EPHA6: variants seen among roughly 807,000 people sequenced by gnomAD.
EPHA6 encodes the protein EPH receptor A6.
A neutral mutation model predicts 112.0 loss-of-function variants in EPHA6; 50 were observed. The ratio of observed to expected loss-of-function variants is 0.45; its 90% CI spans 0.36 to 0.56. The LOEUF is 0.56. Among genes scored for constraint, EPHA6 ranks in the 20% least tolerant of loss-of-function variants. The probability of loss-of-function intolerance (pLI) is 0.00; values close to 1 mark genes in which losing one functional copy is unlikely to be tolerated. For missense variants in EPHA6, 1,280 were observed against 1,417.4 expected (o/e 0.90, Z 1.56); for synonymous variants, 529 against 490.7 (o/e 1.08, Z -1.03).
intron 5 of EPHA6, among the ~76,000 whole-genome samples, chr3:97,324,415 TTC>T (rs1491579010): frequency 1.3e-4 from 17 of 134,048 alleles, no homozygotes; most frequent in Non-Finnish European, 2.3e-4. Context: ...TTTTCTTTCT[TTC>T]TTTCTTTCTT....
At chr3:97,596,517 T>C (rs1038448685) in intron 12 of EPHA6, among the ~76,000 whole-genome samples, 7 of 151,952 alleles carry the variant, frequency 4.6e-5, no homozygotes, top group African/African-American at 1.7e-4. Flanking sequence ...GAATTCACTT[T>C]CTCTGTCACT....
At chr3:97,204,291 T>C (rs2077657378) in intron 3 of EPHA6, among the ~76,000 whole-genome samples, 2 of 152,216 alleles carry the variant, frequency 1.3e-5, no homozygotes, top group South Asian at 4.1e-4. Context: ...AGATAAATCA[T>C]ATATAAATGA....
At chr3:97,441,208 T>C (rs1167188322) in intron 6 of EPHA6, among the ~76,000 whole-genome samples, 1 of 151,982 alleles carries the variant, frequency 6.6e-6, no homozygotes, top group African/African-American at 2.4e-5. Context: ...AATTTTAGCC[T>C]GAAATATTAC....
At chr3:97,578,767 C>T (rs1368573348) in intron 11 of EPHA6, among the ~76,000 whole-genome samples, 2 of 152,104 alleles carry the variant, frequency 1.3e-5, no homozygotes, top group Non-Finnish European at 2.9e-5. Context: ...ACTAGATATG[C>T]ATCATAAATT....
chr3:97,700,024 TG>T (rs1421823157), intron 14 of EPHA6, among the ~76,000 whole-genome samples: 1 of 152,130 alleles, frequency 6.6e-6, no homozygotes, highest in African/African-American at 2.4e-5. Flanking sequence ...GGAGGGAAAA[TG>T]GAAGTTTAGC....
At chr3:96,828,364 AG>A (rs2033802339) in intron 1 of EPHA6, among the ~76,000 whole-genome samples, 1 of 152,124 alleles carries the variant, frequency 6.6e-6, no homozygotes, top group Admixed American at 6.6e-5. Context: ...CAAAGAGCAA[AG>A]GAATGAAAGA....
chr3:96,843,924 T>C (rs2034911973), intron 1 of EPHA6, among the ~76,000 whole-genome samples: 1 of 152,092 alleles, frequency 6.6e-6, no homozygotes. Flanking sequence ...AGATATACTT[T>C]ATTTGAATAT....
intron 4 of EPHA6, among the ~76,000 whole-genome samples, chr3:97,227,747 C>T (rs2078402386): frequency 7.2e-6 from 1 of 139,312 alleles, no homozygotes; most frequent in Non-Finnish European, 1.5e-5. Flanking sequence ...AGCATGGGAC[C>T]CATGTACAAA....
chr3:97,103,989 T>C (rs908923462), intron 3 of EPHA6, among the ~76,000 whole-genome samples: 4 of 152,152 alleles, frequency 2.6e-5, no homozygotes. Flanking sequence ...CTTTAATACA[T>C]TGATTTTGTA....
intron 11 of EPHA6, among the ~76,000 whole-genome samples, chr3:97,556,907 A>G (rs2093118872): frequency 6.6e-6 from 1 of 152,078 alleles, no homozygotes; most frequent in South Asian, 2.1e-4. Flanking sequence ...AATGGATATT[A>G]TGGGGTGATA....
At chr3:97,448,326 T>C (rs2090417679) in intron 6 of EPHA6, among the ~76,000 whole-genome samples, 1 of 152,112 alleles carries the variant, frequency 6.6e-6, no homozygotes, top group Non-Finnish European at 1.5e-5. Context: ...TCACCAAAAA[T>C]ACAAGTGCAG....
chr3:96,821,359 C>T (rs988277116), intron 1 of EPHA6, among the ~76,000 whole-genome samples: 5 of 151,840 alleles, frequency 3.3e-5, no homozygotes, highest in African/African-American at 1.2e-4. Flanking sequence ...TATCCAAATG[C>T]AGTAAATCTT....
chr3:97,031,025 G>A (rs1270773853), intron 3 of EPHA6, among the ~76,000 whole-genome samples: 5 of 151,904 alleles, frequency 3.3e-5, no homozygotes, highest in Non-Finnish European at 5.9e-5. Context: ...ATTCAGGGGA[G>A]GAGTGACTGT....
intron 11 of EPHA6, among the ~76,000 whole-genome samples, chr3:97,573,449 A>G (rs1037999913): frequency 3.9e-5 from 6 of 152,150 alleles, no homozygotes; most frequent in Non-Finnish European, 5.9e-5. Context: ...GAGTTCTTTT[A>G]TAGTCTACTC....
At chr3:97,243,852 C>T in intron 4 of EPHA6, 100 bp from the exon 5 acceptor site, 2 of 883,766 alleles carry the variant, frequency 2.3e-6, no homozygotes, top group Non-Finnish European at 3.4e-6. Context: ...TTCAAACTAA[C>T]ATAAAAGAGC....
intron 6 of EPHA6, among the ~76,000 whole-genome samples, chr3:97,445,203 A>G (rs1259239714): frequency 6.6e-6 from 1 of 151,978 alleles, no homozygotes; most frequent in Non-Finnish European, 1.5e-5. Context: ...AATTGGTGCT[A>G]TTTTCTGTGC....
intron 5 of EPHA6, among the ~76,000 whole-genome samples, chr3:97,255,794 T>C (rs1402936697): frequency 1.3e-5 from 2 of 152,168 alleles, no homozygotes. Context: ...TTGCCTTAAA[T>C]TGTTGAATTA....
chr3:97,552,515 G>T lies in EPHA6; in HGVS notation c.2386+19972G>T, dbSNP rs151094655. Reference sequence around the variant, plus strand: ...CTAGTTCCAAATATAATGGAATGAGGAGTGTATTTTGTATGTGTTAAAGAT... The same window carrying T: ...CTAGTTCCAAATATAATGGAATGAGTAGTGTATTTTGTATGTGTTAAAGAT... On this transcript the variant is annotated intron_variant, in intron 11 of 17. Transcript: ENST00000389672. 2.4e-3 allele frequency among the ~76,000 whole-genome samples: 359 copies of T among 152,274 alleles called. 2 individuals carry two copies. The highest frequency in any genetic ancestry group is 0.015 in the Admixed American group (226 of 15,272).
At chr3:97,238,681 T>C (rs1185063745) in intron 4 of EPHA6, among the ~76,000 whole-genome samples, 1 of 151,778 alleles carries the variant, frequency 6.6e-6, no homozygotes, top group Non-Finnish European at 1.5e-5. Flanking sequence ...GCTTACCAGG[T>C]ATAAAAGTGA....
Sources: allele counts gnomAD v4.1 joint callset (sites outside exome capture counted in the v4.1 genomes callset), GRCh38; gene constraint gnomAD v4.1.1; transcripts MANE v1.5; gene names NCBI Gene and HGNC (gene_info 2026-07-23, HGNC 2026-07-21).